RAPGEF1: variants seen among roughly 807,000 people sequenced by gnomAD.
The protein encoded by RAPGEF1 is Rap guanine nucleotide exchange factor 1.
In RAPGEF1, 33 loss-of-function variants were observed where a neutral mutation model predicts 143.3. The observed-to-expected ratio is 0.23, with a 90% CI of 0.17 to 0.31. RAPGEF1 has a LOEUF of 0.31. RAPGEF1 is among the 10% of genes least tolerant of loss of function. The pLI, the probability that RAPGEF1 is intolerant of heterozygous loss-of-function variation, is 1.00. For missense variants in RAPGEF1, 1,199 were observed against 1,645.4 expected, an observed-to-expected ratio of 0.73 and a Z score of 4.69; for synonymous variants, 629 against 676.5, an observed-to-expected ratio of 0.93 and a Z score of 1.09.
intron 1 of RAPGEF1, among the ~76,000 whole-genome samples, chr9:131,719,881 T>C (rs1223227979): frequency 1.4e-5 from 2 of 141,128 alleles, no homozygotes; most frequent in Admixed American, 1.4e-4. Context: ...TTCTTTTCTT[T>C]CTTTCTTTTT....
intron 3 of RAPGEF1, among the ~76,000 whole-genome samples, chr9:131,648,652 T>TA (rs1970313702): frequency 6.6e-6 from 1 of 152,232 alleles, no homozygotes; most frequent in Admixed American, 6.5e-5. Flanking sequence ...TCTACTGTAT[T>TA]ACTCTTCTTC....
At chr9:131,580,941 T>C (rs1951771352) in intron 25 of RAPGEF1, among the ~76,000 whole-genome samples, 1 of 151,920 alleles carries the variant, frequency 6.6e-6, no homozygotes, top group African/African-American at 2.4e-5. Flanking sequence ...GGTCAGGAGT[T>C]TGAGATCAAC....
At position 131,639,433 on chromosome 9, in the gene RAPGEF1, G is replaced by GGTGA. The variant is rs1967128245; in HGVS notation, c.495-646_495-643dup. ...GTGGGGATGTGAGGATGGGAACGCA[G>GGTGA]GTGAGTGTGTGTGTGTGTGTGTGTG... On this transcript the variant is annotated intron_variant, in intron 4 of 26. Transcript: ENST00000683357. Among the ~76,000 whole-genome samples, 12 of 63,414 alleles carry GGTGA rather than the reference G, an allele frequency of 1.9e-4. No homozygotes were observed. In the Admixed American group the frequency reaches 2.0e-3, roughly 11 times the overall value. The allele number at this position is 63,414 out of a possible 152,430, so 41.6% of individuals were successfully genotyped here. A position where few individuals can be genotyped will look rare whatever the true frequency, so the allele number is the denominator to read the frequency against.
intron 22 of RAPGEF1, among the ~76,000 whole-genome samples, chr9:131,585,754 G>A (rs540113890): frequency 2.8e-4 from 42 of 152,136 alleles, no homozygotes; most frequent in African/African-American, 1.0e-3. Context: ...CAGTGGGTGG[G>A]TGGGGGTGGC....
intron 22 of RAPGEF1, among the ~76,000 whole-genome samples, chr9:131,586,249 CTG>C (rs1952737474): frequency 8.0e-6 from 1 of 124,332 alleles, no homozygotes; most frequent in Non-Finnish European, 1.7e-5. Flanking sequence ...GAGCAAGACT[CTG>C]TCTCAAACAC....
chr9:131,592,234 G>T (rs1255391101), intron 17 of RAPGEF1, 51 bp from the exon 18 acceptor site: 2 of 1,449,378 alleles, frequency 1.4e-6, no homozygotes, highest in South Asian at 1.1e-5. Context: ...GAGTGCTGGG[G>T]GGTGGTAGCC....
At chr9:131,632,902 G>A (rs186142908) in intron 5 of RAPGEF1, among the ~76,000 whole-genome samples, 15 of 151,848 alleles carry the variant, frequency 9.9e-5, no homozygotes, top group African/African-American at 2.9e-4. Context: ...AAGCAACCCC[G>A]CCCTCCAAAA....
chr9:131,676,929 T>TGGTGGTA lies in RAPGEF1; in HGVS notation c.62-25981_62-25980insTACCACC, dbSNP rs1554856781. The stretch of plus-strand genomic sequence containing the variant: ...GCCACACCTACAGAAGCAGACACTC[T>TGGTGGTA]GGGGGTAGGCCCAGCAATCTGTTTT... On this transcript the variant is annotated intron_variant, in intron 1 of 26. Coordinates refer to ENST00000683357, the MANE Select transcript of RAPGEF1 (RefSeq NM_001377935.1). Among the ~76,000 whole-genome samples, 30 of 152,198 alleles carry TGGTGGTA rather than the reference T, an allele frequency of 2.0e-4. No individual in the cohort carries two copies. The South Asian group carries it at 5.4e-3, about 27-fold the overall frequency.
At chr9:131,594,360 T>C (rs535859258) in intron 17 of RAPGEF1, among the ~76,000 whole-genome samples, 3 of 152,316 alleles carry the variant, frequency 2.0e-5, no homozygotes, top group South Asian at 2.1e-4. Flanking sequence ...TGGCACACAG[T>C]TGTCAAGGGA....
At chr9:131,670,630 C>G (rs1273607546) in intron 1 of RAPGEF1, among the ~76,000 whole-genome samples, 2 of 152,188 alleles carry the variant, frequency 1.3e-5, no homozygotes, top group Non-Finnish European at 2.9e-5. Flanking sequence ...GCTGTGCTAG[C>G]ACCTGGGCTA....
At chr9:131,687,432 T>C (rs1206759150) in intron 1 of RAPGEF1, among the ~76,000 whole-genome samples, 4 of 152,072 alleles carry the variant, frequency 2.6e-5, no homozygotes, top group African/African-American at 9.7e-5. Flanking sequence ...TGGCCTCAAG[T>C]GATCCGCCTG....
chr9:131,668,828 A>T (rs943100650), intron 1 of RAPGEF1, among the ~76,000 whole-genome samples: 1 of 152,262 alleles, frequency 6.6e-6, no homozygotes, highest in African/African-American at 2.4e-5. Context: ...CACAGAGCAG[A>T]GGCCAGGGTA....
intron 15 of RAPGEF1, among the ~76,000 whole-genome samples, chr9:131,601,652 G>C (rs1956293976): frequency 1.3e-5 from 2 of 152,046 alleles, no homozygotes; most frequent in South Asian, 4.2e-4. Flanking sequence ...ATGCCTGTAA[G>C]CCCAGCACTT....
At chr9:131,620,495 T>C (rs1338246779) in intron 11 of RAPGEF1, among the ~76,000 whole-genome samples, 1 of 152,174 alleles carries the variant, frequency 6.6e-6, no homozygotes, top group Non-Finnish European at 1.5e-5. Flanking sequence ...TTGAAACATC[T>C]TCAGAGCAAT....
At chr9:131,646,217 T>G (rs1969570509) in intron 3 of RAPGEF1, among the ~76,000 whole-genome samples, 1 of 152,136 alleles carries the variant, frequency 6.6e-6, no homozygotes, top group African/African-American at 2.4e-5. Flanking sequence ...AACTGAGGCT[T>G]AGTGGGACGT....
At chr9:131,724,269 G>A (rs995467200) in intron 1 of RAPGEF1, among the ~76,000 whole-genome samples, 7 of 152,138 alleles carry the variant, frequency 4.6e-5, no homozygotes, top group Non-Finnish European at 7.3e-5. Context: ...ATACACATAC[G>A]AAGTAGCAGA....
At chr9:131,735,574 T>C (rs953397280) in intron 1 of RAPGEF1, among the ~76,000 whole-genome samples, 1 of 152,154 alleles carries the variant, frequency 6.6e-6, no homozygotes, top group South Asian at 2.1e-4. Flanking sequence ...CCCTGATGAA[T>C]GAGGGATGGA....
At chr9:131,646,381 C>A (rs1278657374) in intron 3 of RAPGEF1, among the ~76,000 whole-genome samples, 2 of 152,180 alleles carry the variant, frequency 1.3e-5, no homozygotes, top group Non-Finnish European at 2.9e-5. Context: ...TACTTGAGAT[C>A]CCCTGGTCAA....
chr9:131,666,518 C>T (rs543551677), intron 1 of RAPGEF1, among the ~76,000 whole-genome samples: 18 of 152,054 alleles, frequency 1.2e-4, no homozygotes, highest in South Asian at 1.0e-3. Context: ...TCCTGAGTAG[C>T]GGGGACTACA....
Sources: gnomAD v4.1 joint callset for allele counts (sites outside exome capture counted in the v4.1 genomes callset) on GRCh38, gnomAD v4.1.1 for gene constraint, MANE v1.5 for transcripts, NCBI Gene and HGNC (gene_info 2026-07-23, HGNC 2026-07-21) for gene names.